The following ATG16L2 variants were observed in gnomAD, a reference collection of about 807,000 sequenced individuals.
The protein encoded by ATG16L2 is autophagy related 16 like 2.
ATG16L2 carries 77 observed loss-of-function variants against 84.7 expected under a neutral mutation model. The observed-to-expected ratio is 0.91, with a 90% CI of 0.76 to 1.10. The LOEUF (loss-of-function observed/expected upper bound fraction) is 1.10, where lower values mean the gene tolerates loss of function less well. Among genes scored for constraint, ATG16L2 ranks in the 50% least tolerant of loss-of-function variants. The pLI, the probability that ATG16L2 is intolerant of heterozygous loss-of-function variation, is 0.00. For synonymous variants in ATG16L2, 361 were observed against 342.8 expected (o/e 1.05, Z -0.59); for missense variants, 782 against 817.6 (o/e 0.96, Z 0.53).
chr11:72,843,240 G>C, exon 6 of ATG16L2: 1 of 1,614,026 alleles, frequency 6.2e-7, no homozygotes, highest in Non-Finnish European at 8.5e-7. Flanking sequence ...AGCGGCCAGG[G>C]ACTGCAGCAT....
intron 5 of ATG16L2, chr11:72,841,022 G>C: frequency 8.0e-7 from 1 of 1,247,704 alleles, no homozygotes; most frequent in Admixed American, 1.8e-5. Context: ...GCTGATGCAA[G>C]GCTGGCATGG....
At chr11:72,843,414 T>A in exon 6 of ATG16L2, 1 of 1,608,076 alleles carries the variant, frequency 6.2e-7, no homozygotes, top group Non-Finnish European at 8.5e-7. Flanking sequence ...CCTAAAAATG[T>A]CACAAGAAAG....
intron 7 of ATG16L2, chr11:72,823,555 A>G (rs1353361429): frequency 4.8e-6 from 2 of 412,492 alleles, no homozygotes; most frequent in African/African-American, 2.1e-5. Context: ...CTTTCCTTGC[A>G]GGTCCCTGGT....
rs753591494 is a variant in ATG16L2 at position 72,829,304 on chromosome 11, G to A, written c.1774G>A (p.Ala592Thr). Reference sequence around the variant, plus strand: ...AAGCCTGCCCCTCCCTTTCCCCAGCGCTGCCGTCAACGCCGTGGCCTGGTG... The same window carrying A: ...AAGCCTGCCCCTCCCTTTCCCCAGCACTGCCGTCAACGCCGTGGCCTGGTG... Reference protein sequence around the residue: ...LESRLQGPHCAAVNAVAWCYS... With the variant: ...LESRLQGPHCTAVNAVAWCYS... The change falls in exon 18 of 18, where the codon GCT (alanine) becomes ACT (threonine). Residue 592 changes from alanine to threonine, a missense_variant and splice_region_variant. Transcript: ENST00000321297. 40 of 1,612,686 alleles carry A rather than the reference G, an allele frequency of 2.5e-5. No homozygotes were observed. The Middle Eastern group carries it at 1.2e-3, about 49-fold the overall frequency.
At chr11:72,830,767 G>A (rs1860589389), downstream of ATG16L2, among the ~76,000 whole-genome samples, 1 of 143,704 alleles carries the variant, frequency 7.0e-6, no homozygotes, top group East Asian at 2.1e-4. Flanking sequence ...TGGCCTCTCA[G>A]CTTCATCTTC....
chr11:72,832,609 G>A (rs889036605), downstream of ATG16L2, among the ~76,000 whole-genome samples: 1 of 152,202 alleles, frequency 6.6e-6, no homozygotes, highest in Admixed American at 6.5e-5. Context: ...TCACTGCCCA[G>A]GTTTTCAGAA....
rs151076964 is a variant in ATG16L2, at chr11:72,838,634, G to A, written c.*22-3983G>A. 526 of 609,954 alleles carry A rather than the reference G, an allele frequency of 8.6e-4. 1 individual carries two copies. The highest frequency in any genetic ancestry group is 4.4e-3 in the Middle Eastern group (10 of 2,262). The allele number at this position is 609,954 out of a possible 1,614,324, so 37.8% of individuals were successfully genotyped here. A position where few individuals can be genotyped will look rare whatever the true frequency, so the allele number is the denominator to read the frequency against. ...AAAAAAGGCACGAAATATTCAAAACGTGGGAGGAGTCTACCAGGCCACCCA... is the reference window on the plus strand; with the variant it reads ...AAAAAAGGCACGAAATATTCAAAACATGGGAGGAGTCTACCAGGCCACCCA... On this transcript the variant is annotated intron_variant, in intron 5 of 5. Coordinates refer to the ATG16L2 transcript ENST00000534905.
chr11:72,827,609 C>CAAAG (rs1239771789), intron 14 of ATG16L2, among the ~76,000 whole-genome samples: 1 of 152,112 alleles, frequency 6.6e-6, no homozygotes, highest in African/African-American at 2.4e-5. Context: ...TTTTTTAAAC[C>CAAAG]AAAGACCCTA....
chr11:72,826,310 GC>G (rs2135116604), intron 11 of ATG16L2, 67 bp downstream of exon 11: 1 of 1,550,336 alleles, frequency 6.5e-7, no homozygotes, highest in African/African-American at 1.4e-5. Flanking sequence ...GCAGGTGGGG[GC>G]TGTGGGACCT....
chr11:72,834,598 T>A (rs1055167556), downstream of ATG16L2, among the ~76,000 whole-genome samples: 10 of 152,006 alleles, frequency 6.6e-5, no homozygotes, highest in Non-Finnish European at 1.5e-4. Flanking sequence ...TTTTTTTTTT[T>A]TGGAGACAGA....
intron 4 of ATG16L2, 102 bp downstream of exon 4, chr11:72,821,843 C>T (rs1860012523): frequency 1.4e-6 from 2 of 1,462,066 alleles, no homozygotes; most frequent in Admixed American, 2.2e-5. Context: ...AGATCTTTCC[C>T]TACGTCCCCC....
At position 72,822,588 on chromosome 11, in the gene ATG16L2, C is replaced by A; in HGVS notation, c.710+45C>A. On this transcript the variant is annotated intron_variant, in intron 6 of 17. Transcript: ENST00000321297. The surrounding 1 kb of genome is among the most constrained non-coding windows in gnomAD (Gnocchi z 4.2). ...GGTCCGACCCTTGCGTTCTGCCTCC[C>A]GCCCCGCCTGCCTGCGGCGACCCAG... The A allele has an allele frequency of 6.3e-7, 1 of 1,594,020 alleles. No individual in the cohort carries two copies. The highest frequency in any genetic ancestry group is 1.1e-5 in the South Asian group (1 of 88,898).
chr11:72,816,792 A>T lies in ATG16L2; in HGVS notation c.183A>T (p.Pro61=), dbSNP rs748481468. The change falls in exon 2 of 18, where the codon CCA becomes CCT. Residue 61 remains proline, a synonymous_variant. Coordinates refer to ENST00000321297, the MANE Select transcript of ATG16L2 (RefSeq NM_033388.2). ...DKFSKKLQPE[P]NSVTPTTHQG... ...TCTCAAAGAAGCTGCAGCCGGAGCC[A>T]AACAGTGTCACTCCCACCACCCACC... 2 of 1,614,254 alleles carry T rather than the reference A, an allele frequency of 1.2e-6. No homozygotes were observed. The highest frequency in any genetic ancestry group is 4.5e-5 in the East Asian group (2 of 44,890).
At chr11:72,817,081 C>T (rs531189477) in intron 2 of ATG16L2, among the ~76,000 whole-genome samples, 24 of 152,298 alleles carry the variant, frequency 1.6e-4, no homozygotes, top group African/African-American at 5.5e-4. Context: ...ATCTCCTTCC[C>T]GTCCCACCCC....
chr11:72,825,455 C>A, intron 10 of ATG16L2, 48 bp downstream of exon 10: 1 of 1,399,876 alleles, frequency 7.1e-7, no homozygotes, highest in South Asian at 1.2e-5. Context: ...TCTCCAGACC[C>A]TCTCCTCAGC....
chr11:72,836,723 C>T (rs1470995984), intron 5 of ATG16L2: 2 of 152,470 alleles, frequency 1.3e-5, no homozygotes, highest in Non-Finnish European at 2.9e-5. Context: ...CCAAACCTTT[C>T]TATATTAAAA....
At chr11:72,823,366 C>G (rs928618471) in intron 7 of ATG16L2, 1 of 332,884 alleles carries the variant, frequency 3.0e-6, no homozygotes, top group African/African-American at 2.2e-5. Flanking sequence ...CTTGACTGAG[C>G]CCGTCTGTAT....
intron 3 of ATG16L2, 195 bp downstream of exon 3, chr11:72,818,050 G>A: frequency 1.7e-6 from 1 of 581,592 alleles, no homozygotes; most frequent in Non-Finnish European, 3.1e-6. Flanking sequence ...GATGAAGTGG[G>A]CTCCAACAGC....
chr11:72,814,711 A>G, intron 1 of ATG16L2, 148 bp downstream of exon 1: 1 of 569,730 alleles, frequency 1.8e-6, no homozygotes, highest in Non-Finnish European at 2.8e-6. Context: ...CCCGACTGCC[A>G]GGACTCCGCC....
Sources: gnomAD v4.1 joint callset for allele counts (sites outside exome capture counted in the v4.1 genomes callset) on GRCh38, gnomAD v4.1.1 for gene constraint, Gnocchi (gnomAD v3.1) non-coding constraint, MANE v1.5 for transcripts, NCBI Gene and HGNC (gene_info 2026-07-23, HGNC 2026-07-21) for gene names.